SUGP2: variants seen among roughly 807,000 people sequenced by gnomAD.
SUGP2 encodes SURP and G-patch domain-containing protein 2.
SUGP2 carries 24 observed loss-of-function variants against 90.5 expected under a neutral mutation model. The observed-to-expected ratio is 0.27, with a 90% CI of 0.19 to 0.37. The LOEUF is 0.37. Among genes scored for constraint, SUGP2 ranks in the 10% least tolerant of loss-of-function variants. The pLI is 1.00. For missense variants in SUGP2, 1,233 were observed against 1,363.3 expected (o/e 0.90, Z 1.51); for synonymous variants, 473 against 513.4 (o/e 0.92, Z 1.06).
At chr19:19,019,991 CA>C (rs11434968) in intron 3 of SUGP2, among the ~76,000 whole-genome samples, 9 of 34,824 alleles carry the variant, frequency 2.6e-4, no homozygotes, top group Non-Finnish European at 3.8e-4. Flanking sequence ...TGCTAAAATA[CA>C]AAAAAAAAAA....
intron 8 of SUGP2, among the ~76,000 whole-genome samples, chr19:18,996,762 T>TGCTG (rs2057610771): frequency 6.6e-6 from 1 of 152,136 alleles, no homozygotes; most frequent in Non-Finnish European, 1.5e-5. Context: ...ATGTTAACCA[T>TGCTG]GCTGGTCTTG....
chr19:18,995,598 GGAACCCTGGATAAAGA>G, intron 8 of SUGP2, among the ~76,000 whole-genome samples: 1 of 152,278 alleles, frequency 6.6e-6, no homozygotes, highest in Non-Finnish European at 1.5e-5. Flanking sequence ...GGCCCTCAGC[GGAACCCTGGATAAAGA>G]AGGGTGGCCC....
intron 2 of SUGP2, among the ~76,000 whole-genome samples, chr19:19,028,206 T>A (rs142328890): frequency 6.6e-6 from 1 of 151,876 alleles, no homozygotes. Context: ...GGCATCAGGG[T>A]TTTTAAAAGG....
At chr19:18,998,768 G>A (rs1261634796) in intron 8 of SUGP2, among the ~76,000 whole-genome samples, 3 of 152,130 alleles carry the variant, frequency 2.0e-5, no homozygotes, top group Non-Finnish European at 4.4e-5. Context: ...GGGGAGGTAT[G>A]AAGGGAGGAG....
chr19:19,028,677 C>G (rs908134885), intron 2 of SUGP2, among the ~76,000 whole-genome samples: 16 of 152,142 alleles, frequency 1.1e-4, no homozygotes, highest in African/African-American at 3.4e-4. Flanking sequence ...GGTTTCTAGT[C>G]CTCTCCCACC....
In SUGP2 at chr19:19,007,510, T is replaced by C. The variant is rs2058125621; in HGVS notation, c.2450+807A>G. On this transcript the variant is annotated intron_variant, in intron 6 of 10. Transcript: ENST00000452918. The stretch of plus-strand genomic sequence containing the variant: ...TCTTGTTGCCCAGGCTGGAGTGCAA[T>C]GGCGCGATCTCGGCTCACTGCAACC... 3.9e-5 allele frequency: 6 copies of C among 152,692 alleles called. No homozygotes were observed. In the Admixed American group the frequency reaches 3.9e-4, roughly 10 times the overall value. 9.5% of individuals were successfully genotyped at this position (152,692 alleles called of 1,614,324 possible).
intron 5 of SUGP2, 38 bp from the exon 6 acceptor site, chr19:19,008,466 A>G: frequency 6.6e-7 from 1 of 1,519,836 alleles, no homozygotes; most frequent in Non-Finnish European, 9.1e-7. Context: ...ATGACTCCTG[A>G]GCTGCTGCTC....
At chr19:18,998,022 A>G (rs1374906750) in intron 8 of SUGP2, among the ~76,000 whole-genome samples, 4 of 152,172 alleles carry the variant, frequency 2.6e-5, no homozygotes, top group Non-Finnish European at 5.9e-5. Flanking sequence ...ACACAAGAAG[A>G]GATGGAACAT....
intron 3 of SUGP2, among the ~76,000 whole-genome samples, chr19:19,024,406 G>A (rs1028572466): frequency 5.9e-5 from 9 of 152,182 alleles, no homozygotes; most frequent in African/African-American, 1.9e-4. Context: ...CACCACACCC[G>A]GCTGTCTAAA....
At position 19,004,462 on chromosome 19, in the gene SUGP2, G is replaced by A. The variant is rs1338829278; in HGVS notation, c.2635C>T (p.Pro879Ser). ...EGEAEFEDEP[P>S]PREAELESPE... ...CTCTCCAGCTCAGCCTCCCGCGGAG[G>A]GGGCTCGTCTTCAAACTCTGCTTCC... Residue 879 changes from proline to serine, a missense_variant, in exon 7 of 11, where the codon CCT becomes TCT. Transcript: ENST00000452918. The A allele has an allele frequency of 1.2e-6, 2 of 1,614,212 alleles. No individual in the cohort carries two copies. Among genetic ancestry groups the A allele is most frequent in the East Asian group, 2.2e-5 (1 of 44,884 alleles).
chr19:19,001,469 GAA>G (rs2145335422), intron 8 of SUGP2, 142 bp downstream of exon 8: 1 of 834,968 alleles, frequency 1.2e-6, no homozygotes, highest in East Asian at 2.6e-5. Context: ...CCTCCCAAGA[GAA>G]AAGTCTCTGT....
intron 3 of SUGP2, among the ~76,000 whole-genome samples, chr19:19,021,372 G>A (rs537523174): frequency 2.0e-5 from 3 of 152,114 alleles, no homozygotes; most frequent in African/African-American, 4.8e-5. Flanking sequence ...CAACTGCCAC[G>A]TTATTCCAAG....
rs141675288 is a variant in SUGP2 at position 19,004,393 on chromosome 19, C to T, written c.2704G>A (p.Gly902Arg). 6 of 1,613,972 alleles carry T rather than the reference C, an allele frequency of 3.7e-6. No homozygotes were observed. Among genetic ancestry groups the T allele is most frequent in the African/African-American group, 2.7e-5 (2 of 74,952 alleles). The change falls in exon 7 of 11, where the codon GGG (glycine) becomes AGG (arginine). Residue 902 changes from glycine to arginine, a missense_variant. By Grantham distance (125) the Gly-to-Arg change is moderately radical. Transcript: ENST00000452918. ...PEEEDEDDED[G>R]GEEAPAPGGA... ...CCAGGAGCGGGGGCCTCCTCTCCCCCATCCTCATCGTCCTCGTCCTCCTCC... is the reference window on the plus strand; with the variant it reads ...CCAGGAGCGGGGGCCTCCTCTCCCCTATCCTCATCGTCCTCGTCCTCCTCC...
At chr19:19,006,959 CACGTTTTCA>C (rs2058098895) in intron 6 of SUGP2, among the ~76,000 whole-genome samples, 1 of 152,218 alleles carries the variant, frequency 6.6e-6, no homozygotes, top group Non-Finnish European at 1.5e-5. Context: ...CTGAGAAATG[CACGTTTTCA>C]ACTGTAATTT....
intron 8 of SUGP2, among the ~76,000 whole-genome samples, chr19:18,995,867 C>A (rs1239421632): frequency 6.6e-6 from 1 of 152,160 alleles, no homozygotes; most frequent in Non-Finnish European, 1.5e-5. Context: ...TCACTGAGAG[C>A]TAGTACAGCT....
Position 19,025,274 on chromosome 19 carries a change from T to C in SUGP2, c.1074A>G (p.Glu358=), listed in dbSNP as rs371808076. 2 of 1,613,316 alleles carry C rather than the reference T, an allele frequency of 1.2e-6. No individual in the cohort carries two copies. Among genetic ancestry groups the C allele is most frequent in the African/African-American group, 1.3e-5 (1 of 74,912 alleles). The change falls in exon 3 of 11, where the codon GAA becomes GAG. Residue 358 remains glutamate, a synonymous_variant. Transcript: ENST00000452918. ...CAAGCATTTTAGCACAGGTTTCTGT[T>C]TCAAGTTCAAAGAGAGTCTGGAAAA... is the stretch of plus-strand genomic sequence containing the variant. ...SQLFQTLFEL[E]TETCAKMLAS...
intron 4 of SUGP2, among the ~76,000 whole-genome samples, chr19:19,012,850 T>TGA (rs2058356405): frequency 6.6e-6 from 1 of 152,196 alleles, no homozygotes; most frequent in African/African-American, 2.4e-5. Context: ...CCTCTTATCA[T>TGA]GGTTTTGGAC....
intron 4 of SUGP2, among the ~76,000 whole-genome samples, chr19:19,018,200 C>A (rs185910278): frequency 1.3e-5 from 2 of 149,796 alleles, no homozygotes; most frequent in African/African-American, 5.1e-5. Context: ...TGCCTCATGT[C>A]GTGCACCTGT....
intron 3 of SUGP2, among the ~76,000 whole-genome samples, chr19:19,021,998 T>C (rs2058746170): frequency 6.6e-6 from 1 of 151,946 alleles, no homozygotes. Flanking sequence ...TTTTTTTCTT[T>C]TTTTGGAGAC....
Sources: allele counts gnomAD v4.1 joint callset (sites outside exome capture counted in the v4.1 genomes callset), GRCh38; gene constraint gnomAD v4.1.1; transcripts MANE v1.5; gene names NCBI Gene and HGNC (gene_info 2026-07-23, HGNC 2026-07-21).